The following ERC1 variants were observed in gnomAD, a reference collection of about 807,000 sequenced individuals.
The protein encoded by ERC1 is RAB6 interacting protein 2.
Under a neutral mutation model 132.0 loss-of-function variants are expected in ERC1, and 56 were observed. The observed-to-expected ratio is 0.42, with a 90% CI of 0.34 to 0.53. The LOEUF is 0.53. Among genes scored for constraint, ERC1 ranks in the 20% least tolerant of loss-of-function variants. The pLI, the probability that ERC1 is intolerant of heterozygous loss-of-function variation, is 0.03. For missense variants in ERC1, 1,202 were observed against 1,349.9 expected, an observed-to-expected ratio of 0.89 and a Z score of 1.72; for synonymous variants, 478 against 476.1, an observed-to-expected ratio of 1.00 and a Z score of -0.05.
At chr12:1,122,273 CTGTG>C in intron 7 of ERC1, among the ~76,000 whole-genome samples, 1 of 4,126 alleles carries the variant, frequency 2.4e-4, no homozygotes, top group Non-Finnish European at 6.3e-4. Flanking sequence ...CTATCTCTAT[CTGTG>C]TCTCTATCTC....
intron 15 of ERC1, among the ~76,000 whole-genome samples, chr12:1,346,102 G>T (rs771560926): frequency 1.3e-5 from 2 of 152,116 alleles, no homozygotes; most frequent in African/African-American, 4.8e-5. Context: ...TGAGGAGCTA[G>T]GACTATTCTC....
chr12:1,303,480 CA>C (rs201728461), intron 15 of ERC1, among the ~76,000 whole-genome samples: 5,254 of 150,072 alleles, frequency 0.035, 103 homozygotes, highest in Middle Eastern at 0.076. Flanking sequence ...ACTAAAAATA[CA>C]AAAAAAAATT....
intron 17 of ERC1, chr12:1,410,501 C>A: frequency 5.5e-6 from 5 of 916,656 alleles, no homozygotes; most frequent in Non-Finnish European, 7.6e-6. Context: ...TGTTTGTTTT[C>A]ATTTTTCTTT....
chr12:1,091,042 C>T lies in ERC1; in HGVS notation c.1086+7462C>T, dbSNP rs184757822. On this transcript the variant is annotated intron_variant, in intron 3 of 18. Transcript: ENST00000360905. ...CTTCCTGAGTAGCTGGGACAACAGGCGTGCACAAGCTAATTTTTGTATTTT... is the reference window on the plus strand; with the variant it reads ...CTTCCTGAGTAGCTGGGACAACAGGTGTGCACAAGCTAATTTTTGTATTTT... 2.4e-3 allele frequency among the ~76,000 whole-genome samples: 370 copies of T among 152,126 alleles called. 3 individuals carry two copies. The highest frequency in any genetic ancestry group is 8.7e-3 in the African/African-American group (360 of 41,492).
intron 7 of ERC1, among the ~76,000 whole-genome samples, chr12:1,133,567 ACT>A (rs1462481706): frequency 6.6e-6 from 1 of 151,978 alleles, no homozygotes; most frequent in Non-Finnish European, 1.5e-5. Flanking sequence ...TAAGGTCTTT[ACT>A]CTGTGGTTGC....
intron 17 of ERC1, among the ~76,000 whole-genome samples, chr12:1,421,316 T>A (rs191928912): frequency 1.9e-4 from 29 of 152,336 alleles, no homozygotes; most frequent in Middle Eastern, 3.4e-3. Context: ...AGAAAGGGTT[T>A]AATTATCTCA....
In ERC1 at chr12:1,494,614, T is replaced by A. The variant is rs2094344972; in HGVS notation, c.*4384T>A. The A allele has an allele frequency of 4.3e-6, 1 of 230,688 alleles. No individual in the cohort carries two copies. The allele number at this position is 230,688 out of a possible 1,614,324, so 14.3% of individuals were successfully genotyped here. ...TTTGGCAAGTGCTGTGGCCCTGTTG[T>A]AGGTACTTCTCCTGACTCTTGGGGG... On this transcript the variant is annotated 3_prime_UTR_variant, in exon 19 of 19. Coordinates refer to ENST00000360905, the MANE Select transcript of ERC1 (RefSeq NM_178040.4).
At chr12:1,394,641 AGT>A (rs1316718198) in intron 16 of ERC1, among the ~76,000 whole-genome samples, 6 of 152,100 alleles carry the variant, frequency 3.9e-5, no homozygotes, top group African/African-American at 1.2e-4. Flanking sequence ...ATGGTTTAAA[AGT>A]GTGCGATACT....
chr12:1,209,506 A>T (rs1406073460), intron 12 of ERC1, among the ~76,000 whole-genome samples: 5 of 151,158 alleles, frequency 3.3e-5, no homozygotes, highest in Admixed American at 1.3e-4. Context: ...TAGTTCATTC[A>T]TTTGTGTTGT....
At chr12:1,028,607 A>G (rs1332431776) in intron 2 of ERC1, 35 bp downstream of exon 2, 3 of 1,504,648 alleles carry the variant, frequency 2.0e-6, no homozygotes, top group Admixed American at 2.0e-5. Flanking sequence ...TATTGGCTGA[A>G]TTCATGTATA....
chr12:1,401,262 TGAA>T (rs2091045950), intron 16 of ERC1, among the ~76,000 whole-genome samples: 1 of 152,076 alleles, frequency 6.6e-6, no homozygotes, highest in Non-Finnish European at 1.5e-5. Flanking sequence ...AAACACCATG[TGAA>T]TTTACAGTTC....
Position 1,225,465 on chromosome 12 carries a change from C to A in ERC1, c.2352-11304C>A, listed in dbSNP as rs1036968075. On this transcript the variant is annotated intron_variant, in intron 12 of 18. Transcript: ENST00000360905. ...GCTGTCTCTTACACACACACACACA[C>A]ACACACACACACACACACACACACA... Among the ~76,000 whole-genome samples, 67 of 150,034 alleles carry A rather than the reference C, an allele frequency of 4.5e-4. 1 individual carries two copies. Among genetic ancestry groups the A allele is most frequent in the African/African-American group, 1.4e-3 (57 of 41,176 alleles).
rs746267742 is a variant in ERC1 at position 1,168,479 on chromosome 12, C to CTTT, written c.1738-12042_1738-12040dup. Among the ~76,000 whole-genome samples, 877 of 91,704 alleles carry CTTT rather than the reference C, an allele frequency of 9.6e-3. 5 individuals carry two copies. The highest frequency in any genetic ancestry group is 0.013 in the Middle Eastern group (2 of 150). 60.2% of individuals were successfully genotyped at this position (91,704 alleles called of 152,430 possible). ...AACAACTTTAAATGAAGTGACTGGT[C>CTTT]TTTTTTTTTTTTTTTTTTTTTGGAG... On this transcript the variant is annotated intron_variant, in intron 8 of 18. Coordinates refer to ENST00000360905, the MANE Select transcript of ERC1 (RefSeq NM_178040.4).
At chr12:1,411,487 GTGA>G (rs972817083) in intron 17 of ERC1, among the ~76,000 whole-genome samples, 9 of 152,042 alleles carry the variant, frequency 5.9e-5, no homozygotes, top group African/African-American at 1.9e-4. Flanking sequence ...GCCATGCGCT[GTGA>G]GGTGGGAAGC....
intron 8 of ERC1, among the ~76,000 whole-genome samples, chr12:1,178,871 A>G (rs1224240494): frequency 6.6e-6 from 1 of 152,156 alleles, no homozygotes; most frequent in African/African-American, 2.4e-5. Context: ...CCATGAAGGC[A>G]GGGATTTGGT....
At chr12:1,311,756 TAG>T (rs2081324095) in intron 15 of ERC1, among the ~76,000 whole-genome samples, 1 of 152,210 alleles carries the variant, frequency 6.6e-6, no homozygotes, top group South Asian at 2.1e-4. Flanking sequence ...GCTTTACTCA[TAG>T]AGTTATCAGT....
intron 14 of ERC1, among the ~76,000 whole-genome samples, chr12:1,268,656 C>T (rs978836027): frequency 1.3e-5 from 2 of 152,132 alleles, no homozygotes; most frequent in Non-Finnish European, 2.9e-5. Flanking sequence ...GTCACAGCTA[C>T]TCGGGAGGCT....
chr12:1,387,072 G>GGAATGAGAATGTCTATCATATTTA, intron 16 of ERC1: 1 of 152,106 alleles, frequency 6.6e-6, no homozygotes. Context: ...TTTCCCTTTT[G>GGAATGAGAATGTCTATCATATTTA]GAATGAGAAT....
At chr12:1,421,003 ATAAT>A (rs2092406851) in intron 17 of ERC1, among the ~76,000 whole-genome samples, 1 of 151,264 alleles carries the variant, frequency 6.6e-6, no homozygotes, top group Admixed American at 6.6e-5. Flanking sequence ...TTGACATCTA[ATAAT>A]TTTATGTTTA....
Sources: gnomAD v4.1 joint callset for allele counts (sites outside exome capture counted in the v4.1 genomes callset) on GRCh38, gnomAD v4.1.1 for gene constraint, MANE v1.5 for transcripts, NCBI Gene and HGNC (gene_info 2026-07-23, HGNC 2026-07-21) for gene names.